Variants in PTPRD observed in about 807,000 individuals in gnomAD.
PTPRD encodes protein tyrosine phosphatase receptor type D.
Under a neutral mutation model 214.5 loss-of-function variants are expected in PTPRD, and 34 were observed. The ratio of observed to expected loss-of-function variants is 0.16; its 90% CI spans 0.12 to 0.21. The LOEUF is 0.21. Among genes scored for constraint, PTPRD ranks in the 10% least tolerant of loss-of-function variants. The probability of loss-of-function intolerance (pLI) is 1.00; values close to 1 mark genes in which losing one functional copy is unlikely to be tolerated. For synonymous variants in PTPRD, 1,128 were observed against 845.7 expected, an observed-to-expected ratio of 1.33 and a Z score of -5.79; for missense variants, 2,545 against 2,398.7, an observed-to-expected ratio of 1.06 and a Z score of -1.27.
At chr9:9,039,476 G>T (rs527960095) in intron 10 of PTPRD, among the ~76,000 whole-genome samples, 3 of 152,232 alleles carry the variant, frequency 2.0e-5, no homozygotes, top group African/African-American at 7.2e-5. Context: ...AGGCCAGTGG[G>T]ACCAAATCCA....
chr9:9,441,010 G>C (rs878857486), intron 8 of PTPRD, among the ~76,000 whole-genome samples: 12 of 152,172 alleles, frequency 7.9e-5, no homozygotes, highest in African/African-American at 2.9e-4. Flanking sequence ...AAGTTCCAGA[G>C]CTGAAATGTC....
At chr9:10,491,717 T>C (rs1177901200) in intron 2 of PTPRD, among the ~76,000 whole-genome samples, 2 of 148,930 alleles carry the variant, frequency 1.3e-5, no homozygotes, top group South Asian at 2.1e-4. Context: ...GTTTCTTTCT[T>C]TTTTTTTTTA....
chr9:9,149,007 A>G (rs2099873276), intron 10 of PTPRD, among the ~76,000 whole-genome samples: 1 of 152,232 alleles, frequency 6.6e-6, no homozygotes, highest in Non-Finnish European at 1.5e-5. Flanking sequence ...TTTTCCAAAG[A>G]GCATTGTAAA....
At chr9:10,048,033 G>A (rs2097439670) in intron 3 of PTPRD, among the ~76,000 whole-genome samples, 1 of 152,142 alleles carries the variant, frequency 6.6e-6, no homozygotes, top group Non-Finnish European at 1.5e-5. Flanking sequence ...AGCTGTCTCT[G>A]AGTTGTATGC....
At chr9:9,172,912 C>T (rs191933099) in intron 10 of PTPRD, among the ~76,000 whole-genome samples, 29 of 152,214 alleles carry the variant, frequency 1.9e-4, no homozygotes, top group African/African-American at 6.5e-4. Context: ...AATACAGATT[C>T]GATCGTGTCC....
intron 3 of PTPRD, among the ~76,000 whole-genome samples, chr9:10,037,476 C>A (rs192524164): frequency 6.6e-6 from 1 of 151,790 alleles, no homozygotes; most frequent in Non-Finnish European, 1.5e-5. Context: ...TAAAAGCTCC[C>A]TGAGGGCTCC....
At chr9:9,618,884 C>T (rs772292032) in intron 7 of PTPRD, among the ~76,000 whole-genome samples, 3 of 151,764 alleles carry the variant, frequency 2.0e-5, no homozygotes, top group Non-Finnish European at 4.4e-5. Flanking sequence ...GAAAATACTG[C>T]CACTTAAGTC....
intron 2 of PTPRD, among the ~76,000 whole-genome samples, chr9:10,595,265 G>A (rs1309024325): frequency 1.3e-5 from 2 of 151,670 alleles, no homozygotes; most frequent in African/African-American, 4.8e-5. Flanking sequence ...GCTAATTAAA[G>A]AAAATCAATG....
At position 9,379,523 on chromosome 9, in the gene PTPRD, A is replaced by G. The variant is rs553996430; in HGVS notation, c.-203+17926T>C. 3.3e-5 allele frequency among the ~76,000 whole-genome samples: 5 copies of G among 151,998 alleles called. No homozygotes were observed. The East Asian group carries it at 7.7e-4, about 24-fold the overall frequency. ...CAACATTCTGTTTGCCATTCTGGAT[A>G]TTATTTCTCTTTATATAACTTTAGA... On this transcript the variant is annotated intron_variant, in intron 9 of 45. Transcript: ENST00000381196.
At chr9:8,605,177 A>G (rs1225060736) in intron 14 of PTPRD, among the ~76,000 whole-genome samples, 1 of 152,214 alleles carries the variant, frequency 6.6e-6, no homozygotes, top group Non-Finnish European at 1.5e-5. Flanking sequence ...CCAACATAAT[A>G]TGCCTCAGCA....
At chr9:8,355,724 A>G (rs140018303) in intron 39 of PTPRD, among the ~76,000 whole-genome samples, 296 of 152,318 alleles carry the variant, frequency 1.9e-3, no homozygotes, top group African/African-American at 6.9e-3. Context: ...ATGTTCAAGT[A>G]GTCTGAACAT....
rs950147702 is a variant in PTPRD at position 9,631,671 on chromosome 9, C to T, written c.-286-56890G>A. The stretch of plus-strand genomic sequence containing the variant: ...GTAACATAGGGAAAGGAGCAAGTTG[C>T]CCTCTCTATATTCTAAGTGCATCTT... On this transcript the variant is annotated intron_variant, in intron 7 of 45. Coordinates refer to ENST00000381196, the MANE Select transcript of PTPRD (RefSeq NM_002839.4). 2.6e-5 allele frequency among the ~76,000 whole-genome samples: 4 copies of T among 152,190 alleles called. No individual in the cohort carries two copies. The East Asian group carries it at 7.7e-4, about 29-fold the overall frequency.
intron 8 of PTPRD, among the ~76,000 whole-genome samples, chr9:9,504,335 A>G (rs1269729156): frequency 6.6e-6 from 1 of 151,694 alleles, no homozygotes; most frequent in Admixed American, 6.6e-5. Context: ...TATTCCAGAT[A>G]TAGAGATTTC....
At chr9:9,485,243 G>A (rs1411078391) in intron 8 of PTPRD, among the ~76,000 whole-genome samples, 4 of 152,042 alleles carry the variant, frequency 2.6e-5, no homozygotes, top group Admixed American at 2.6e-4. Flanking sequence ...ACTAATTCTA[G>A]ACTTAATATC....
At chr9:9,574,446 A>G (rs1175168063) in intron 8 of PTPRD, among the ~76,000 whole-genome samples, 1 of 152,020 alleles carries the variant, frequency 6.6e-6, no homozygotes, top group African/African-American at 2.4e-5. Context: ...TAAAATTGTT[A>G]TTCATGTTCA....
At chr9:10,080,297 A>G (rs899950169) in intron 3 of PTPRD, among the ~76,000 whole-genome samples, 2 of 152,156 alleles carry the variant, frequency 1.3e-5, no homozygotes, top group African/African-American at 4.8e-5. Flanking sequence ...AGAAATAGAA[A>G]TAATGACAAT....
chr9:8,483,960 G>A (rs878948419), intron 30 of PTPRD, among the ~76,000 whole-genome samples, 159 bp downstream of exon 30: 4 of 152,184 alleles, frequency 2.6e-5, no homozygotes, highest in African/African-American at 7.2e-5. Context: ...ACTAGGACAC[G>A]TTGTAAAAGA....
At chr9:9,802,728 T>C (rs1321849626) in intron 5 of PTPRD, among the ~76,000 whole-genome samples, 1 of 151,838 alleles carries the variant, frequency 6.6e-6, no homozygotes, top group Non-Finnish European at 1.5e-5. Context: ...TAAATGCTTG[T>C]TGAATGAATA....
rs185329695 is a variant in PTPRD at position 9,611,329 on chromosome 9, T to C, written c.-286-36548A>G. Among the ~76,000 whole-genome samples the C allele has an allele frequency of 5.6e-3, 853 of 152,264 alleles. 2 individuals carry two copies. Among genetic ancestry groups the C allele is most frequent in the Non-Finnish European group, 8.1e-3 (551 of 67,998 alleles). On this transcript the variant is annotated intron_variant, in intron 7 of 45. Coordinates refer to ENST00000381196, the MANE Select transcript of PTPRD (RefSeq NM_002839.4). ...TTTTGCTATATGCCATACACATATC[T>C]CCACCAGCAGTGAATGAAGAGCATT...
Sources: gnomAD v4.1 joint callset for allele counts (sites outside exome capture counted in the v4.1 genomes callset) on GRCh38, gnomAD v4.1.1 for gene constraint, MANE v1.5 for transcripts, NCBI Gene and HGNC (gene_info 2026-07-23, HGNC 2026-07-21) for gene names.